The following FGFR2 variants were observed in gnomAD, a reference collection of about 807,000 sequenced individuals.
FGFR2 encodes fibroblast growth factor receptor 2.
Under a neutral mutation model 95.9 loss-of-function variants are expected in FGFR2, and 19 were observed. The observed-to-expected ratio is 0.20, with a 90% confidence interval of 0.14 to 0.29. The LOEUF is 0.29. FGFR2 is among the 10% of genes least tolerant of loss of function. FGFR2 has a pLI of 1.00. For synonymous variants in FGFR2, 392 were observed against 393.3 expected (o/e 1.00, Z 0.04); for missense variants, 707 against 1,056.9 (o/e 0.67, Z 4.59).
intron 2 of FGFR2, among the ~76,000 whole-genome samples, chr10:121,581,583 AAAAAAAAG>A (rs1367604937): frequency 9.3e-5 from 14 of 151,316 alleles, no homozygotes; most frequent in Middle Eastern, 3.4e-3. Context: ...ACCAAAAAAA[AAAAAAAAG>A]AAAAAAAGAA....
rs147693639 is a variant in FGFR2 at position 121,583,955 on chromosome 10, A to G, written c.109+9754T>C. Among the ~76,000 whole-genome samples the G allele has an allele frequency of 1.5e-3, 224 of 152,142 alleles. 1 individual carries two copies. The highest frequency in any genetic ancestry group is 5.2e-3 in the African/African-American group (214 of 41,466). ...GTTCTGGGTTATTAAGATGAGAGAT[A>G]ATATATGTTAAAGTACCTAGCACAG... On this transcript the variant is annotated intron_variant, in intron 2 of 17. Coordinates refer to ENST00000358487, the MANE Select transcript of FGFR2 (RefSeq NM_000141.5).
chr10:121,480,236 C>G (rs1354178321), intron 17 of FGFR2: 1 of 666,622 alleles, frequency 1.5e-6, no homozygotes, highest in Non-Finnish European at 2.7e-6. Context: ...CTGACTTCCA[C>G]GAAGACCTCC....
chr10:121,597,392 C>G (rs753686235), intron 1 of FGFR2, among the ~76,000 whole-genome samples: 1 of 152,222 alleles, frequency 6.6e-6, no homozygotes, highest in South Asian at 2.1e-4. Context: ...CCAGCGCCGA[C>G]GGCGGCTGCG....
chr10:121,564,436 G>A, intron 4 of FGFR2, 66 bp downstream of exon 4: 1 of 1,421,548 alleles, frequency 7.0e-7, no homozygotes, highest in Non-Finnish European at 9.9e-7. Context: ...CAAGAAGACA[G>A]GTGACAGGCA....
At chr10:121,561,283 G>T (rs1264556726) in intron 4 of FGFR2, among the ~76,000 whole-genome samples, 1 of 152,030 alleles carries the variant, frequency 6.6e-6, no homozygotes, top group African/African-American at 2.4e-5. Flanking sequence ...AATTAGCGGG[G>T]TGTGGTAGCA....
chr10:121,595,535 T>C (rs1178931621), intron 1 of FGFR2, among the ~76,000 whole-genome samples: 1 of 152,200 alleles, frequency 6.6e-6, no homozygotes, highest in Non-Finnish European at 1.5e-5. Flanking sequence ...TGCTTTCAGA[T>C]AGCTTGAAAG....
chr10:121,577,942 T>C (rs1376310893), intron 2 of FGFR2, among the ~76,000 whole-genome samples: 4 of 152,144 alleles, frequency 2.6e-5, no homozygotes, highest in African/African-American at 9.7e-5. Context: ...AAGTCGGCCC[T>C]GAAGCCCCTC....
intron 2 of FGFR2, among the ~76,000 whole-genome samples, chr10:121,569,962 A>T (rs1198216369): frequency 1.3e-5 from 2 of 152,218 alleles, no homozygotes; most frequent in African/African-American, 4.8e-5. Flanking sequence ...GAGGTTGGGG[A>T]GAATAAAAAG....
chr10:121,510,414 G>C (rs1176519762), intron 9 of FGFR2, among the ~76,000 whole-genome samples: 1 of 152,200 alleles, frequency 6.6e-6, no homozygotes, highest in Admixed American at 6.5e-5. Flanking sequence ...GTGCCCACAT[G>C]AAAGGGCAGA....
At chr10:121,524,051 G>A (rs1850933882) in intron 6 of FGFR2, among the ~76,000 whole-genome samples, 1 of 151,410 alleles carries the variant, frequency 6.6e-6, no homozygotes, top group African/African-American at 2.4e-5. Context: ...TGGTCAAAGT[G>A]CTGCTGAGCT....
chr10:121,553,364 C>T (rs3135738), intron 4 of FGFR2, among the ~76,000 whole-genome samples: 1,915 of 152,246 alleles, frequency 0.013, 31 homozygotes, highest in African/African-American at 0.039. Context: ...CATAAACGCA[C>T]CTATTCTTTT....
In FGFR2 at chr10:121,485,485, G is replaced by A. The variant is rs150015885; in HGVS notation, c.2105C>T (p.Ser702Leu). The A allele has an allele frequency of 3.7e-6, 6 of 1,614,026 alleles. No individual in the cohort carries two copies. The highest frequency in any genetic ancestry group is 5.1e-6 in the Non-Finnish European group (6 of 1,180,014). Residue 702 changes from serine (S) to leucine (L), a missense_variant, in exon 16 of 18, where the codon TCG becomes TTG. Around this residue, in one of 7 missense-constraint regions of FGFR2, gnomAD observed 104 missense variants for 214.2 expected, o/e 0.49. Transcript: ENST00000358487. The surrounding 1 kb of genome is among the most constrained non-coding windows in gnomAD (Gnocchi z 4.2). ...CTCCACGGGAATCCCTGGGTAGGGC[G>A]AGCCCCCTAAAGTGAAGATCTCCCA... ...LMWEIFTLGG[S>L]PYPGIPVEEL... is the part of the protein sequence containing the mutation.
intron 9 of FGFR2, among the ~76,000 whole-genome samples, chr10:121,505,137 C>T (rs1313803795): frequency 6.6e-6 from 1 of 152,160 alleles, no homozygotes; most frequent in African/African-American, 2.4e-5. Flanking sequence ...TGAACTTTCA[C>T]AGGGTGGGTC....
At position 121,564,514 on chromosome 10, in the gene FGFR2, T is replaced by C. The variant is rs772298926; in HGVS notation, c.442A>G (p.Ser148Gly). The C allele has an allele frequency of 4.2e-5, 68 of 1,613,914 alleles. No homozygotes were observed. The highest frequency in any genetic ancestry group is 5.6e-5 in the Non-Finnish European group (66 of 1,179,974). ...GGCAGTTACTTACTCTTGTTGTTAC[T>C]GTTCTCACTGACAAAATCTTCCGCA... ...DGAEDFVSENSNNKRAPYWTN... is the reference protein window; with the variant it reads ...DGAEDFVSENGNNKRAPYWTN... The change falls in exon 4 of 18, where the codon AGT becomes GGT. Residue 148 changes from serine (S) to glycine (G), a missense_variant. Physicochemically the swap from Ser to Gly is moderately conservative, Grantham distance 56. This residue lies in a region of FGFR2 where 178 missense variants were observed against 194.1 expected (regional missense o/e 0.92). Transcript: ENST00000358487.
rs138919041 is a variant in FGFR2 at position 121,511,216 on chromosome 10, C to T, written c.1287+3901G>A. On this transcript the variant is annotated intron_variant, in intron 9 of 17. Transcript: ENST00000358487. ...CCACCCTGCAGCCTCTTGTACCATGCTGACGGCAGTGAGAGAGGGTGTAAG... is the reference window on the plus strand; with the variant it reads ...CCACCCTGCAGCCTCTTGTACCATGTTGACGGCAGTGAGAGAGGGTGTAAG... Among the ~76,000 whole-genome samples the T allele has an allele frequency of 3.2e-4, 49 of 152,192 alleles. No homozygotes were observed. The East Asian group carries it at 7.5e-3, about 23-fold the overall frequency.
chr10:121,500,737 C>T (rs1488861865), intron 11 of FGFR2, 89 bp downstream of exon 11: 1 of 1,563,458 alleles, frequency 6.4e-7, no homozygotes, highest in Non-Finnish European at 8.7e-7. Flanking sequence ...TGACCCCGTG[C>T]CATGATAGAG....
Position 121,554,551 on chromosome 10 carries a change from CCG to C in FGFR2, c.455-3094_455-3093del, listed in dbSNP as rs1855860758. Among the ~76,000 whole-genome samples the C allele has an allele frequency of 4.8e-5, 6 of 125,198 alleles. 1 individual carries two copies. The highest frequency in any genetic ancestry group is 1.9e-4 in the African/African-American group (4 of 21,266). 82.1% of individuals were successfully genotyped at this position (125,198 alleles called of 152,430 possible). A position where few individuals can be genotyped will look rare whatever the true frequency, so the allele number is the denominator to read the frequency against. On this transcript the variant is annotated intron_variant, in intron 4 of 17. Transcript: ENST00000358487. Reference sequence around the variant, plus strand: ...TATTTTTAGTAGAGACAGGGTTTCACCGTTTTAGCCAGGGTTTCACCGTTTTA... The same window carrying C: ...TATTTTTAGTAGAGACAGGGTTTCACTTTTAGCCAGGGTTTCACCGTTTTA...
chr10:121,559,328 T>C lies in FGFR2; in HGVS notation c.454+5174A>G, dbSNP rs185760362. 2.4e-4 allele frequency among the ~76,000 whole-genome samples: 37 copies of C among 152,302 alleles called. No individual in the cohort carries two copies. The East Asian group carries it at 6.0e-3, about 25-fold the overall frequency. ...CAAAGAATTTGGTGCTTCTGCAATTTTCCCTATTAATCGGGTCAGGCATTT... is the reference window on the plus strand; with the variant it reads ...CAAAGAATTTGGTGCTTCTGCAATTCTCCCTATTAATCGGGTCAGGCATTT... On this transcript the variant is annotated intron_variant, in intron 4 of 17. Transcript: ENST00000358487.
intron 10 of FGFR2, 133 bp from the exon 11 acceptor site, chr10:121,501,080 G>A: frequency 3.2e-6 from 4 of 1,265,788 alleles, no homozygotes; most frequent in Non-Finnish European, 4.5e-6. Flanking sequence ...GAACTAATGA[G>A]ACTTAGGGTA....
Sources: gnomAD v4.1 joint callset for allele counts (sites outside exome capture counted in the v4.1 genomes callset) on GRCh38, gnomAD v4.1.1 for gene constraint, gnomAD v4.1.1 regional missense constraint, Gnocchi (gnomAD v3.1) non-coding constraint, MANE v1.5 for transcripts, NCBI Gene and HGNC (gene_info 2026-07-23, HGNC 2026-07-21) for gene names.